RANBP17: variants seen among roughly 807,000 people sequenced by gnomAD.
RANBP17 encodes RAN binding protein 17.
Under a neutral mutation model 141.2 loss-of-function variants are expected in RANBP17, and 158 were observed. The observed-to-expected ratio is 1.12, with a 90% CI of 0.98 to 1.28. The LOEUF (loss-of-function observed/expected upper bound fraction) is 1.28. Among genes scored for constraint, RANBP17 ranks in the 50% most tolerant of loss-of-function variants. The pLI, the probability that RANBP17 is intolerant of heterozygous loss-of-function variation, is 0.00. For synonymous variants in RANBP17, 430 were observed against 450.0 expected (o/e 0.96, Z 0.56); for missense variants, 1,438 against 1,290.7 (o/e 1.11, Z -1.75).
At chr5:171,063,671 A>G (rs558858669) in intron 14 of RANBP17, among the ~76,000 whole-genome samples, 2 of 152,336 alleles carry the variant, frequency 1.3e-5, no homozygotes, top group East Asian at 1.9e-4. Flanking sequence ...GCATGCTGGG[A>G]GAACCACTGC....
At chr5:171,079,595 C>T (rs1785138259) in intron 14 of RANBP17, among the ~76,000 whole-genome samples, 1 of 152,204 alleles carries the variant, frequency 6.6e-6, no homozygotes, top group Non-Finnish European at 1.5e-5. Flanking sequence ...CACTACCACC[C>T]TTATCGGTCA....
At position 171,029,684 on chromosome 5, in the gene RANBP17, T is replaced by G. The variant is rs190813891; in HGVS notation, c.1710+61307T>G. 2.2e-3 allele frequency among the ~76,000 whole-genome samples: 331 copies of G among 152,248 alleles called. 1 individual carries two copies. Among genetic ancestry groups the G allele is most frequent in the African/African-American group, 7.4e-3 (309 of 41,574 alleles). ...TCCAGTTTTGTACCTTGATGCTATCTTACAACTTGGGAAGTAAATTAGGTC... is the reference window on the plus strand; with the variant it reads ...TCCAGTTTTGTACCTTGATGCTATCGTACAACTTGGGAAGTAAATTAGGTC... On this transcript the variant is annotated intron_variant, in intron 14 of 27. Coordinates refer to ENST00000523189, the MANE Select transcript of RANBP17 (RefSeq NM_022897.5).
intron 5 of RANBP17, among the ~76,000 whole-genome samples, chr5:170,901,080 C>T (rs1009382563): frequency 2.0e-5 from 3 of 152,112 alleles, no homozygotes; most frequent in South Asian, 2.1e-4. Flanking sequence ...TTTTCTTTCT[C>T]GTTGATCTCT....
At chr5:171,290,806 G>A (rs1415674940) in intron 25 of RANBP17, among the ~76,000 whole-genome samples, 1 of 152,212 alleles carries the variant, frequency 6.6e-6, no homozygotes, top group African/African-American at 2.4e-5. Flanking sequence ...ATTGAGCGAT[G>A]AAATTCCACT....
At chr5:170,970,123 C>A (rs1434699727) in intron 14 of RANBP17, among the ~76,000 whole-genome samples, 4 of 138,764 alleles carry the variant, frequency 2.9e-5, no homozygotes, top group South Asian at 6.0e-4. Flanking sequence ...TTAATGTCCT[C>A]ATTTTACTAA....
At chr5:171,112,449 A>C (rs1007273965) in intron 14 of RANBP17, among the ~76,000 whole-genome samples, 6 of 151,992 alleles carry the variant, frequency 3.9e-5, no homozygotes, top group African/African-American at 1.4e-4. Flanking sequence ...AAATACTTGA[A>C]AGTAAGATTA....
chr5:171,186,820 G>T (rs554926704), intron 18 of RANBP17, among the ~76,000 whole-genome samples: 6 of 152,038 alleles, frequency 3.9e-5, no homozygotes, highest in African/African-American at 1.4e-4. Flanking sequence ...TTTCTATACA[G>T]ACCAGTGAAA....
At chr5:171,280,460 G>T (rs1767786217) in intron 25 of RANBP17, among the ~76,000 whole-genome samples, 1 of 151,798 alleles carries the variant, frequency 6.6e-6, no homozygotes, top group African/African-American at 2.4e-5. Flanking sequence ...TTGTATTTTT[G>T]GTGGAGACGG....
intron 26 of RANBP17, among the ~76,000 whole-genome samples, chr5:171,295,097 T>C (rs979332869): frequency 1.3e-5 from 2 of 152,206 alleles, no homozygotes; most frequent in African/African-American, 4.8e-5. Context: ...GCTGTTTTAA[T>C]GTATGATGGA....
At chr5:171,167,694 C>T (rs913696546) in intron 14 of RANBP17, among the ~76,000 whole-genome samples, 1 of 152,122 alleles carries the variant, frequency 6.6e-6, no homozygotes, top group African/African-American at 2.4e-5. Flanking sequence ...GGCACACAGT[C>T]TCTGGCCCTG....
At chr5:170,960,669 T>G (rs1340108167) in intron 13 of RANBP17, among the ~76,000 whole-genome samples, 2 of 152,226 alleles carry the variant, frequency 1.3e-5, no homozygotes, top group African/African-American at 4.8e-5. Flanking sequence ...ACGGACTTCT[T>G]GCTTCCTTTT....
At chr5:171,274,145 TGTGTGCGC>T (rs1234621613) in intron 25 of RANBP17, among the ~76,000 whole-genome samples, 11 of 129,634 alleles carry the variant, frequency 8.5e-5, no homozygotes, top group Admixed American at 1.5e-4. Context: ...TGTGTGTGTG[TGTGTGCGC>T]GCGCGCGCGC....
chr5:171,169,012 T>C (rs1221741596), intron 14 of RANBP17, among the ~76,000 whole-genome samples: 1 of 152,064 alleles, frequency 6.6e-6, no homozygotes, highest in African/African-American at 2.4e-5. Context: ...GGACTCAGGT[T>C]GAAAGCCTGG....
At chr5:171,091,310 A>C (rs897760172) in intron 14 of RANBP17, among the ~76,000 whole-genome samples, 1 of 152,190 alleles carries the variant, frequency 6.6e-6, no homozygotes, top group Non-Finnish European at 1.5e-5. Flanking sequence ...TCAGATTTGC[A>C]TGGGGCGTTT....
At position 170,919,533 on chromosome 5, in the gene RANBP17, C is replaced by A; in HGVS notation, c.1194C>A (p.Pro398=). 1 of 1,611,804 alleles carries A rather than the reference C, an allele frequency of 6.2e-7. No individual in the cohort carries two copies. Among genetic ancestry groups the A allele is most frequent in the South Asian group, 1.1e-5 (1 of 90,748 alleles). ...TTCCTTTTGTGAAATCAACTGAACC[C>A]CACCTATTAGACACTTATGCACCAG... ...ASVPFVKSTE[P]HLLDTYAPEI... The change falls in exon 11 of 28, where the codon CCC becomes CCA. Residue 398 remains proline (P), a synonymous_variant. Transcript: ENST00000523189.
At chr5:171,062,562 A>T (rs1273245816) in intron 14 of RANBP17, among the ~76,000 whole-genome samples, 1 of 152,116 alleles carries the variant, frequency 6.6e-6, no homozygotes, top group Non-Finnish European at 1.5e-5. Context: ...TTTGAGGGTA[A>T]CCCAACCTTT....
At chr5:171,096,384 A>ATG (rs1786692404) in intron 14 of RANBP17, among the ~76,000 whole-genome samples, 1 of 152,226 alleles carries the variant, frequency 6.6e-6, no homozygotes, top group Non-Finnish European at 1.5e-5. Flanking sequence ...AAAGTCACTA[A>ATG]TGAAGTCATT....
At chr5:171,177,749 G>A (rs1201390509) in intron 16 of RANBP17, among the ~76,000 whole-genome samples, 6 of 151,992 alleles carry the variant, frequency 3.9e-5, no homozygotes, top group Non-Finnish European at 5.9e-5. Flanking sequence ...TAATGTTTGT[G>A]AACACCTTGT....
At chr5:171,214,110 G>T (rs536153643) in intron 21 of RANBP17, among the ~76,000 whole-genome samples, 3 of 152,298 alleles carry the variant, frequency 2.0e-5, no homozygotes, top group African/African-American at 7.2e-5. Context: ...TCTGAGTTGA[G>T]ATGCTTTATT....
Sources: gnomAD v4.1 joint callset for allele counts (sites outside exome capture counted in the v4.1 genomes callset) on GRCh38, gnomAD v4.1.1 for gene constraint, MANE v1.5 for transcripts, NCBI Gene and HGNC (gene_info 2026-07-23, HGNC 2026-07-21) for gene names.